The following JMJD1C variants were observed in gnomAD, a reference collection of about 807,000 sequenced individuals.
JMJD1C encodes the protein jumonji domain-containing protein 1C.
In JMJD1C, 31 loss-of-function variants were observed where a neutral mutation model predicts 245.3. The ratio of observed to expected loss-of-function variants is 0.13; its 90% CI spans 0.09 to 0.17. The LOEUF is 0.17. Among genes scored for constraint, JMJD1C ranks in the 10% least tolerant of loss-of-function variants. The pLI is 1.00. For missense variants in JMJD1C, 2,691 were observed against 3,000.2 expected, an observed-to-expected ratio of 0.90 and a Z score of 2.41; for synonymous variants, 1,057 against 1,017.4, an observed-to-expected ratio of 1.04 and a Z score of -0.74.
At chr10:63,492,909 G>A (rs1340530477) in intron 1 of JMJD1C, among the ~76,000 whole-genome samples, 2 of 152,030 alleles carry the variant, frequency 1.3e-5, no homozygotes, top group Non-Finnish European at 2.9e-5. Context: ...TGAACTTAAA[G>A]TCTACACTCT....
intron 2 of JMJD1C, among the ~76,000 whole-genome samples, chr10:63,329,009 C>T (rs752665944): frequency 6.6e-6 from 1 of 152,096 alleles, no homozygotes; most frequent in Non-Finnish European, 1.5e-5. Context: ...TGGCCAGGTG[C>T]CCTGGTTCAT....
At chr10:63,307,967 C>T (rs975285571) in intron 2 of JMJD1C, among the ~76,000 whole-genome samples, 32 of 151,936 alleles carry the variant, frequency 2.1e-4, no homozygotes, top group African/African-American at 7.0e-4. Context: ...CTGGCCTACA[C>T]GGTGTAAACC....
At chr10:63,226,540 C>T (rs891586558) in intron 3 of JMJD1C, among the ~76,000 whole-genome samples, 5 of 148,868 alleles carry the variant, frequency 3.4e-5, no homozygotes, top group African/African-American at 7.5e-5. Flanking sequence ...TGGCGAGATG[C>T]CATTGCTACA....
intron 1 of JMJD1C, among the ~76,000 whole-genome samples, chr10:63,385,319 C>T (rs1947501232): frequency 6.6e-6 from 1 of 151,014 alleles, no homozygotes. Context: ...TGTAACAGAC[C>T]CATGAAAATA....
At chr10:63,458,082 A>G (rs1952530189) in intron 1 of JMJD1C, among the ~76,000 whole-genome samples, 1 of 152,248 alleles carries the variant, frequency 6.6e-6, no homozygotes, top group Non-Finnish European at 1.5e-5. Context: ...ATCCAATTCG[A>G]TAATTTCAGA....
chr10:63,335,318 G>A (rs967426961), intron 2 of JMJD1C, among the ~76,000 whole-genome samples: 1 of 152,088 alleles, frequency 6.6e-6, no homozygotes, highest in Non-Finnish European at 1.5e-5. Flanking sequence ...GATAATGTAG[G>A]CATGGGGGCA....
At chr10:63,233,615 A>G (rs1263620367) in intron 3 of JMJD1C, among the ~76,000 whole-genome samples, 5 of 151,948 alleles carry the variant, frequency 3.3e-5, no homozygotes, top group African/African-American at 1.2e-4. Flanking sequence ...ATACAGCCTT[A>G]AAAATATTTT....
chr10:63,343,347 CAA>C (rs1171215282), intron 2 of JMJD1C, among the ~76,000 whole-genome samples: 1 of 141,776 alleles, frequency 7.1e-6, no homozygotes, highest in African/African-American at 2.6e-5. Context: ...GCCTGGGTGA[CAA>C]GAGTGAAACT....
intron 10 of JMJD1C, among the ~76,000 whole-genome samples, chr10:63,201,555 G>C (rs1589132721): frequency 6.6e-6 from 1 of 152,162 alleles, no homozygotes; most frequent in Admixed American, 6.5e-5. Context: ...CCGTCATCTA[G>C]AGAGTAAGAA....
intron 1 of JMJD1C, among the ~76,000 whole-genome samples, chr10:63,425,095 T>G (rs983074518): frequency 2.0e-5 from 3 of 152,296 alleles, no homozygotes; most frequent in Admixed American, 2.0e-4. Flanking sequence ...CTATTTCTAA[T>G]TTTAGAAATT....
intron 1 of JMJD1C, among the ~76,000 whole-genome samples, chr10:63,460,681 A>G (rs1001314000): frequency 2.0e-5 from 3 of 152,214 alleles, no homozygotes; most frequent in African/African-American, 2.4e-5. Context: ...TGAATTTTAG[A>G]CTTAAAGACA....
Position 63,214,104 on chromosome 10 carries a change from G to T in JMJD1C, c.2063C>A (p.Pro688Gln). 1 of 1,614,150 alleles carries T rather than the reference G, an allele frequency of 6.2e-7. No individual in the cohort carries two copies. The highest frequency in any genetic ancestry group is 8.5e-7 in the Non-Finnish European group (1 of 1,179,994). ...EHELSRCSFH[P>Q]IPTRSSTLET... The stretch of plus-strand genomic sequence containing the variant: ...TAATGTACTGCTTCGAGTAGGAATT[G>T]GATGAAAACTGCATCTTGATAGCTC... The change falls in exon 8 of 26, where the codon CCA becomes CAA. Residue 688 changes from proline (P) to glutamine (Q), a missense_variant. By Grantham distance (76) the Pro-to-Gln change is moderately conservative. Around this residue, in one of 9 missense-constraint regions of JMJD1C, gnomAD observed 1,562 missense variants for 1,490.7 expected, o/e 1.05. Transcript: ENST00000399262.
At chr10:63,438,064 G>A (rs1951157174) in intron 1 of JMJD1C, among the ~76,000 whole-genome samples, 1 of 152,004 alleles carries the variant, frequency 6.6e-6, no homozygotes, top group Non-Finnish European at 1.5e-5. Context: ...CTCCAGCCTA[G>A]ACCTCTCCCT....
At chr10:63,506,800 T>C (rs942002468) in intron 1 of JMJD1C, among the ~76,000 whole-genome samples, 1 of 152,190 alleles carries the variant, frequency 6.6e-6, no homozygotes, top group African/African-American at 2.4e-5. Context: ...TAGTTAACAT[T>C]AGGGTTCACT....
chr10:63,217,979 G>C lies in JMJD1C; in HGVS notation c.554-648C>G, dbSNP rs371811136. On this transcript the variant is annotated intron_variant, in intron 4 of 25. Coordinates refer to ENST00000399262, the MANE Select transcript of JMJD1C (RefSeq NM_032776.3). Reference sequence around the variant, plus strand: ...TATTTATCTGCAGATATTCAGATATGCCTAATAAAACAAGTCACTCTACAG... The same window carrying C: ...TATTTATCTGCAGATATTCAGATATCCCTAATAAAACAAGTCACTCTACAG... Among the ~76,000 whole-genome samples the C allele has an allele frequency of 1.5e-4, 23 of 152,056 alleles. 1 individual carries two copies. In the South Asian group the frequency reaches 4.6e-3, roughly 30 times the overall value.
chr10:63,393,457 G>C (rs1214784265), intron 1 of JMJD1C, among the ~76,000 whole-genome samples: 7 of 152,078 alleles, frequency 4.6e-5, no homozygotes, highest in Non-Finnish European at 8.8e-5. Context: ...AATTAGTACA[G>C]TCATTAGGAA....
exon 1 of JMJD1C, chr10:63,521,838 GT>G (rs1320135086): frequency 8.6e-4 from 62 of 72,074 alleles, no homozygotes; most frequent in Admixed American, 4.0e-3. Context: ...GCTCGGCTGC[GT>G]GCGGTGCGGC....
intron 1 of JMJD1C, among the ~76,000 whole-genome samples, chr10:63,477,566 A>C (rs1047470471): frequency 5.4e-4 from 82 of 151,992 alleles, no homozygotes; most frequent in Non-Finnish European, 1.0e-3. Context: ...AAAAAAAAAA[A>C]AAAACAACGA....
chr10:63,268,936 T>C (rs1589344305), intron 2 of JMJD1C: 3 of 985,636 alleles, frequency 3.0e-6, no homozygotes, highest in East Asian at 1.1e-4. Flanking sequence ...AAATGACGAT[T>C]TTCTGTCTGC....
Sources: allele counts gnomAD v4.1 joint callset (sites outside exome capture counted in the v4.1 genomes callset), GRCh38; gene constraint gnomAD v4.1.1; regional missense constraint gnomAD v4.1.1; transcripts MANE v1.5; gene names NCBI Gene and HGNC (gene_info 2026-07-23, HGNC 2026-07-21).